Variants in ENOPH1 observed in about 807,000 individuals in gnomAD.
ENOPH1 encodes the protein enolase-phosphatase 1, also known as enolase-phosphatase E1.
In ENOPH1, 14 loss-of-function variants were observed where a neutral mutation model predicts 31.1. The observed-to-expected ratio is 0.45, with a 90% CI of 0.30 to 0.70. The LOEUF (loss-of-function observed/expected upper bound fraction) is 0.70. Among genes scored for constraint, ENOPH1 ranks in the 30% least tolerant of loss-of-function variants. ENOPH1 has a pLI of 0.09. For synonymous variants in ENOPH1, 127 were observed against 123.2 expected, an observed-to-expected ratio of 1.03 and a Z score of -0.21; for missense variants, 243 against 321.5, an observed-to-expected ratio of 0.76 and a Z score of 1.87.
chr4:82,451,386 T>C, intron 3 of ENOPH1, 141 bp downstream of exon 3: 1 of 845,084 alleles, frequency 1.2e-6, no homozygotes, highest in East Asian at 2.7e-5. Context: ...ACAAGTGAGC[T>C]TTGTTTCATT....
chr4:82,442,437 T>A (rs1722064724), intron 1 of ENOPH1, among the ~76,000 whole-genome samples: 1 of 152,178 alleles, frequency 6.6e-6, no homozygotes, highest in Admixed American at 6.5e-5. Flanking sequence ...GGAAAATTGC[T>A]TGAACTCAGG....
intron 3 of ENOPH1, among the ~76,000 whole-genome samples, chr4:82,452,924 C>T (rs1259051465): frequency 2.4e-5 from 3 of 125,160 alleles, no homozygotes; most frequent in African/African-American, 9.3e-5. Context: ...TTTTTTGAGA[C>T]GGAGTCTTGC....
At chr4:82,440,959 C>T (rs2110039295) in intron 1 of ENOPH1, among the ~76,000 whole-genome samples, 1 of 152,200 alleles carries the variant, frequency 6.6e-6, no homozygotes, top group South Asian at 2.1e-4. Context: ...ACCATGTGGC[C>T]CCATGTGGCA....
intron 1 of ENOPH1, among the ~76,000 whole-genome samples, chr4:82,444,167 G>A (rs773264910): frequency 2.5e-4 from 38 of 151,996 alleles, no homozygotes; most frequent in African/African-American, 8.0e-4. Flanking sequence ...GGGCCACGGC[G>A]CCCGGCCAGA....
intron 5 of ENOPH1, among the ~76,000 whole-genome samples, chr4:82,458,914 TGAG>T (rs145865030): frequency 0.015 from 2,257 of 152,100 alleles, 59 homozygotes; most frequent in African/African-American, 0.052. Context: ...AGCAGGCACT[TGAG>T]GAGGTGGGTG....
At chr4:82,458,241 T>A (rs886317326) in intron 5 of ENOPH1, among the ~76,000 whole-genome samples, 1 of 152,186 alleles carries the variant, frequency 6.6e-6, no homozygotes, top group African/African-American at 2.4e-5. Flanking sequence ...GCGCGGTAAC[T>A]CACACCTATA....
chr4:82,457,393 G>A (rs1035021534), intron 5 of ENOPH1, among the ~76,000 whole-genome samples: 3 of 152,066 alleles, frequency 2.0e-5, no homozygotes, highest in African/African-American at 7.2e-5. Flanking sequence ...TCACTCCTGT[G>A]GTCCCAGCTG....
At chr4:82,443,424 A>G (rs1722093565) in intron 1 of ENOPH1, among the ~76,000 whole-genome samples, 1 of 151,372 alleles carries the variant, frequency 6.6e-6, no homozygotes, top group Non-Finnish European at 1.5e-5. Flanking sequence ...AAAAAAAGAA[A>G]GAAATAATAG....
At chr4:82,437,301 C>T (rs1721932620) in intron 1 of ENOPH1, among the ~76,000 whole-genome samples, 2 of 152,130 alleles carry the variant, frequency 1.3e-5, no homozygotes, top group Non-Finnish European at 2.9e-5. Context: ...CCTCAGGGAA[C>T]CTAGAAAGGA....
rs1453257865 is a variant in ENOPH1 at position 82,438,937 on chromosome 4, C to G, written c.84+8024C>G. 2.0e-5 allele frequency among the ~76,000 whole-genome samples: 3 copies of G among 152,176 alleles called. No homozygotes were observed. In the East Asian group the frequency reaches 5.8e-4, roughly 29 times the overall value. On this transcript the variant is annotated intron_variant, in intron 1 of 5. Transcript: ENST00000273920. ...ATGAAACTTTGAATTTCACATTTAT[C>G]AACTCATTTGATTTTCAAAACTGGT...
intron 2 of ENOPH1, among the ~76,000 whole-genome samples, chr4:82,449,644 C>T (rs1429662737): frequency 6.6e-6 from 1 of 152,170 alleles, no homozygotes. Context: ...AGTCACCTCC[C>T]ACTAGGCCTC....
rs1398636462 is a variant in ENOPH1, at chr4:82,461,177, A to C, written c.*1057A>C. The C allele has an allele frequency of 6.6e-6, 1 of 152,180 alleles. No homozygotes were observed. The highest frequency in any genetic ancestry group is 1.5e-5 in the Non-Finnish European group (1 of 68,026). 9.4% of individuals were successfully genotyped at this position (152,180 alleles called of 1,614,324 possible). A position where few individuals can be genotyped will look rare whatever the true frequency, so the allele number is the denominator to read the frequency against. On this transcript the variant is annotated 3_prime_UTR_variant, in exon 6 of 6. Transcript: ENST00000273920. ...ACAAGAATATTTAGCTCTTATCTTA[A>C]TCGTGTATCATGTGTGTGTTTTAAT...
intron 1 of ENOPH1, among the ~76,000 whole-genome samples, chr4:82,444,511 A>T (rs1219352471): frequency 6.6e-6 from 1 of 152,190 alleles, no homozygotes; most frequent in African/African-American, 2.4e-5. Flanking sequence ...CGGTAACAAC[A>T]GTTTGATTTT....
intron 1 of ENOPH1, among the ~76,000 whole-genome samples, chr4:82,441,746 C>T (rs1722048031): frequency 6.6e-6 from 1 of 152,074 alleles, no homozygotes; most frequent in African/African-American, 2.4e-5. Context: ...TCACGACCCG[C>T]CTGGGCAACA....
intron 5 of ENOPH1, among the ~76,000 whole-genome samples, chr4:82,459,427 G>T (rs1435834613): frequency 6.6e-6 from 1 of 152,090 alleles, no homozygotes; most frequent in African/African-American, 2.4e-5. Context: ...GAGTAGCTGG[G>T]ACTACAGGCA....
chr4:82,433,719 G>A (rs928531667), intron 1 of ENOPH1, among the ~76,000 whole-genome samples: 1 of 152,040 alleles, frequency 6.6e-6, no homozygotes, highest in Non-Finnish European at 1.5e-5. Flanking sequence ...CAGAACCTTC[G>A]GTATCATACA....
chr4:82,454,945 C>CTT (rs201969443), intron 4 of ENOPH1, 91 bp downstream of exon 4: 178 of 982,118 alleles, frequency 1.8e-4, no homozygotes, highest in Admixed American at 2.7e-4. Context: ...TAATAGAATG[C>CTT]TTTTTTTTTT....
At chr4:82,454,305 T>G (rs1045927960) in intron 3 of ENOPH1, among the ~76,000 whole-genome samples, 3 of 152,252 alleles carry the variant, frequency 2.0e-5, no homozygotes, top group Non-Finnish European at 4.4e-5. Flanking sequence ...CAGATCTTTC[T>G]AAAAGCATTT....
chr4:82,456,874 G>A (rs749828330), intron 4 of ENOPH1, 41 bp from the exon 5 acceptor site: 7 of 1,606,900 alleles, frequency 4.4e-6, no homozygotes, highest in Non-Finnish European at 5.1e-6. Context: ...GGGCATGCAA[G>A]TGTATTTGTA....
Sources: allele counts gnomAD v4.1 joint callset (sites outside exome capture counted in the v4.1 genomes callset), GRCh38; gene constraint gnomAD v4.1.1; transcripts MANE v1.5; gene names NCBI Gene and HGNC (gene_info 2026-07-23, HGNC 2026-07-21).